Variants in EIF2AK2 observed in about 807,000 individuals in gnomAD.
EIF2AK2 encodes the protein interferon-induced, double-stranded RNA-activated protein kinase.
Under a neutral mutation model 70.5 loss-of-function variants are expected in EIF2AK2, and 40 were observed. The ratio of observed to expected loss-of-function variants is 0.57; its 90% CI spans 0.44 to 0.74. The LOEUF is 0.74. Ranked by LOEUF, EIF2AK2 falls within the 30% of genes least tolerant of loss-of-function variation. EIF2AK2 has a pLI of 0.00. For missense variants in EIF2AK2, 555 were observed against 644.3 expected, an observed-to-expected ratio of 0.86 and a Z score of 1.50; for synonymous variants, 198 against 220.9, an observed-to-expected ratio of 0.90 and a Z score of 0.92.
chr2:37,118,425 GACACAGGGC>G (rs1301783785), intron 13 of EIF2AK2, among the ~76,000 whole-genome samples: 1 of 152,246 alleles, frequency 6.6e-6, no homozygotes, highest in Non-Finnish European at 1.5e-5. Context: ...ATCAGTCCAT[GACACAGGGC>G]ACACACGGTG....
rs1673922472 is a variant in EIF2AK2 at position 37,105,127 on chromosome 2, TG to T, written c.*2145del. ...CCTTTATAAAACTATTTTCTCTTAC[TG>T]TATTTTCACTTTTTGCTTAACCTAA... On this transcript the variant is annotated 3_prime_UTR_variant, in exon 17 of 17. Transcript: ENST00000233057. 6.6e-6 allele frequency: 1 copy of T among 152,186 alleles called. No individual in the cohort carries two copies. 9.4% of individuals were successfully genotyped at this position (152,186 alleles called of 1,614,324 possible).
chr2:37,118,570 G>T (rs4648221), intron 13 of EIF2AK2, among the ~76,000 whole-genome samples: 39 of 152,248 alleles, frequency 2.6e-4, no homozygotes, highest in African/African-American at 9.4e-4. Flanking sequence ...AGAAATAATT[G>T]TGCTTATTTG....
intron 14 of EIF2AK2, among the ~76,000 whole-genome samples, chr2:37,111,158 A>G (rs1478188356): frequency 6.6e-6 from 1 of 152,202 alleles, no homozygotes; most frequent in Non-Finnish European, 1.5e-5. Flanking sequence ...AGAGGAGAAT[A>G]GGAGTTCTTT....
At chr2:37,139,374 G>A (rs1675247111) in intron 6 of EIF2AK2, among the ~76,000 whole-genome samples, 1 of 147,570 alleles carries the variant, frequency 6.8e-6, no homozygotes, top group Non-Finnish European at 1.5e-5. Context: ...GCCTCCCAAA[G>A]TGCTGGGATT....
intron 10 of EIF2AK2, among the ~76,000 whole-genome samples, chr2:37,129,975 C>G (rs567798513): frequency 7.3e-4 from 111 of 152,322 alleles, no homozygotes; most frequent in African/African-American, 2.5e-3. Flanking sequence ...ATGTTAGCTA[C>G]CCACCATTCT....
At chr2:37,107,647 T>A (rs1279086285) in intron 15 of EIF2AK2, 120 bp from the exon 16 acceptor site, 2 of 1,109,738 alleles carry the variant, frequency 1.8e-6, no homozygotes, top group African/African-American at 3.1e-5. Context: ...GAAAGTCTCT[T>A]TAGCCAAGAA....
intron 10 of EIF2AK2, 46 bp downstream of exon 10, chr2:37,135,438 C>T (rs748005411): frequency 4.0e-6 from 6 of 1,504,600 alleles, no homozygotes; most frequent in Admixed American, 4.2e-5. Context: ...AAAACATCCA[C>T]CGACAGCATT....
intron 3 of EIF2AK2, 124 bp from the exon 4 acceptor site, chr2:37,147,097 A>G (rs1476193583): frequency 2.3e-6 from 2 of 856,988 alleles, no homozygotes; most frequent in African/African-American, 3.5e-5. Context: ...TCAATATAGC[A>G]TTTAAGCAGT....
In EIF2AK2 at chr2:37,103,608, G is replaced by A. The variant is rs1673881616; in HGVS notation, c.*3665C>T. 1 of 151,962 alleles carries A rather than the reference G, an allele frequency of 6.6e-6. No individual in the cohort carries two copies. The highest frequency in any genetic ancestry group is 1.5e-5 in the Non-Finnish European group (1 of 67,966). 9.4% of individuals were successfully genotyped at this position (151,962 alleles called of 1,614,324 possible). On this transcript the variant is annotated 3_prime_UTR_variant, in exon 17 of 17. Transcript: ENST00000233057. Reference sequence around the variant, plus strand: ...GCCTCATTAATCAAAACCAGATATTGTTTTTTTAAAAAAAGATTTCTCTCT... The same window carrying A: ...GCCTCATTAATCAAAACCAGATATTATTTTTTTAAAAAAAGATTTCTCTCT...
chr2:37,124,914 G>A (rs12995738), intron 11 of EIF2AK2, among the ~76,000 whole-genome samples: 142,230 of 152,078 alleles, frequency 0.94, 67,274 homozygotes, highest in East Asian at 1. Flanking sequence ...TTTTGTAGAG[G>A]TGGAGTTTTG....
At chr2:37,138,962 A>ATTT (rs536992086) in intron 6 of EIF2AK2, among the ~76,000 whole-genome samples, 7,141 of 140,742 alleles carry the variant, frequency 0.051, 263 homozygotes, top group African/African-American at 0.11. Context: ...CACCCGTCTA[A>ATTT]TTTTTTTTTT....
rs1270623926 is a variant in EIF2AK2, at chr2:37,132,609, A to AAC, written c.785+2874_785+2875insGT. Reference sequence around the variant, plus strand: ...GTCTCAAAAAACAAACAAACAAAAAACAACTCTGTTATGGGACATCCACAA... The same window carrying AAC: ...GTCTCAAAAAACAAACAAACAAAAAAACCAACTCTGTTATGGGACATCCACAA... On this transcript the variant is annotated intron_variant, in intron 10 of 16. Transcript: ENST00000233057. Among the ~76,000 whole-genome samples, 5 of 152,240 alleles carry AAC rather than the reference A, an allele frequency of 3.3e-5. No homozygotes were observed. In the East Asian group the frequency reaches 9.7e-4, roughly 29 times the overall value.
chr2:37,107,571 T>C, intron 15 of EIF2AK2, 44 bp from the exon 16 acceptor site: 6 of 1,574,928 alleles, frequency 3.8e-6, no homozygotes, highest in Non-Finnish European at 5.2e-6. Flanking sequence ...ATTATTTACT[T>C]GGGAGGAAAG....
intron 14 of EIF2AK2, among the ~76,000 whole-genome samples, chr2:37,110,988 T>G (rs1674123059): frequency 1.3e-5 from 2 of 152,282 alleles, no homozygotes; most frequent in African/African-American, 2.4e-5. Context: ...AAAAAGAAAT[T>G]CTGACATGTT....
In EIF2AK2 at chr2:37,106,439, T is replaced by C. The variant is rs1252740601; in HGVS notation, c.*834A>G. On this transcript the variant is annotated 3_prime_UTR_variant, in exon 17 of 17. Transcript: ENST00000233057. ...TGGTTGTTCCCTGTTCTTTTGGCTA[T>C]TATAAACAGGGTTTTATGGACATTC... The C allele has an allele frequency of 6.6e-6, 1 of 152,202 alleles. No individual in the cohort carries two copies. The highest frequency in any genetic ancestry group is 1.5e-5 in the Non-Finnish European group (1 of 68,040). 9.4% of individuals were successfully genotyped at this position (152,202 alleles called of 1,614,324 possible). A position where few individuals can be genotyped will look rare whatever the true frequency, so the allele number is the denominator to read the frequency against.
At chr2:37,153,189 T>G (rs1043990173) in intron 1 of EIF2AK2, among the ~76,000 whole-genome samples, 1 of 152,184 alleles carries the variant, frequency 6.6e-6, no homozygotes, top group Non-Finnish European at 1.5e-5. Flanking sequence ...TATTTTTCAA[T>G]GTATTAATTC....
intron 15 of EIF2AK2, 38 bp downstream of exon 15, chr2:37,109,156 A>C: frequency 6.2e-7 from 1 of 1,600,822 alleles, no homozygotes; most frequent in Non-Finnish European, 8.6e-7. Flanking sequence ...GTAGTCAGTA[A>C]TTTTTCTTGT....
rs1016514089 is a variant in EIF2AK2, at chr2:37,099,936, C to A, written c.*7337G>T. ...ATTTATATGAAATGTCTAGCATGGG[C>A]AAATCTATAGAGATGGAGAGTAGAT... On this transcript the variant is annotated 3_prime_UTR_variant, in exon 17 of 17. Transcript: ENST00000233057. 6.6e-6 allele frequency: 1 copy of A among 152,094 alleles called. No homozygotes were observed. The highest frequency in any genetic ancestry group is 2.4e-5 in the African/African-American group (1 of 41,416). The allele number at this position is 152,094 out of a possible 1,614,324, so 9.4% of individuals were successfully genotyped here.
At chr2:37,123,082 C>G (rs1278648533) in intron 11 of EIF2AK2, among the ~76,000 whole-genome samples, 2 of 151,776 alleles carry the variant, frequency 1.3e-5, no homozygotes, top group Non-Finnish European at 2.9e-5. Flanking sequence ...GCAGGAGAAT[C>G]GCTTGAATCC....
Sources: allele counts gnomAD v4.1 joint callset (sites outside exome capture counted in the v4.1 genomes callset), GRCh38; gene constraint gnomAD v4.1.1; transcripts MANE v1.5; gene names NCBI Gene and HGNC (gene_info 2026-07-23, HGNC 2026-07-21).